LUZP2: variants seen among roughly 807,000 people sequenced by gnomAD.
LUZP2 encodes the protein leucine zipper protein 2.
A neutral mutation model predicts 51.6 loss-of-function variants in LUZP2; 52 were observed. That is an observed-to-expected ratio of 1.01 (90% confidence interval 0.81 to 1.27). LUZP2 has a LOEUF of 1.27. Among genes scored for constraint, LUZP2 ranks in the 50% most tolerant of loss-of-function variants. The probability of loss-of-function intolerance (pLI) is 0.00; values close to 1 mark genes in which losing one functional copy is unlikely to be tolerated. For synonymous variants in LUZP2, 154 were observed against 137.3 expected (o/e 1.12, Z -0.85); for missense variants, 436 against 395.4 (o/e 1.10, Z -0.87).
chr11:24,959,120 G>A (rs1855307715), intron 7 of LUZP2, among the ~76,000 whole-genome samples: 1 of 152,094 alleles, frequency 6.6e-6, no homozygotes, highest in Non-Finnish European at 1.5e-5. Flanking sequence ...CTATATCTCT[G>A]TTTTGGTACC....
chr11:24,536,481 C>T (rs1851183706), intron 1 of LUZP2, among the ~76,000 whole-genome samples: 1 of 151,880 alleles, frequency 6.6e-6, no homozygotes, highest in Non-Finnish European at 1.5e-5. Flanking sequence ...CTTCACCTTG[C>T]ACTTTTATGA....
At chr11:24,695,606 A>G (rs1245731746) in intron 1 of LUZP2, among the ~76,000 whole-genome samples, 1 of 152,064 alleles carries the variant, frequency 6.6e-6, no homozygotes, top group Non-Finnish European at 1.5e-5. Context: ...TTTCTTAATT[A>G]TATGAAGAGA....
intron 5 of LUZP2, among the ~76,000 whole-genome samples, chr11:24,766,286 G>T (rs1253703774): frequency 6.6e-6 from 1 of 151,882 alleles, no homozygotes; most frequent in Non-Finnish European, 1.5e-5. Flanking sequence ...GTATTTCCTT[G>T]CATCAAATAA....
intron 5 of LUZP2, among the ~76,000 whole-genome samples, chr11:24,869,192 A>G (rs1851982537): frequency 6.6e-6 from 1 of 152,190 alleles, no homozygotes; most frequent in African/African-American, 2.4e-5. Context: ...TTTAGATCAC[A>G]GAAAGAAAAG....
intron 10 of LUZP2, 30 bp from the exon 11 acceptor site, chr11:25,077,299 T>G: frequency 4.6e-6 from 7 of 1,509,146 alleles, no homozygotes; most frequent in African/African-American, 1.4e-5. Context: ...TTTAACTTCA[T>G]TGATGTATTT....
chr11:25,055,450 C>T (rs1453459085), intron 10 of LUZP2, among the ~76,000 whole-genome samples: 1 of 151,808 alleles, frequency 6.6e-6, no homozygotes, highest in East Asian at 1.9e-4. Flanking sequence ...ATTGCATTTC[C>T]AGATTGTTAA....
chr11:24,530,251 A>G (rs1850951610), intron 1 of LUZP2, among the ~76,000 whole-genome samples: 1 of 150,856 alleles, frequency 6.6e-6, no homozygotes, highest in Admixed American at 6.6e-5. Context: ...TTGGGGATTC[A>G]GGGAAAGTTA....
At chr11:24,962,740 C>T (rs1043724299) in intron 7 of LUZP2, among the ~76,000 whole-genome samples, 13 of 152,182 alleles carry the variant, frequency 8.5e-5, no homozygotes, top group Non-Finnish European at 1.3e-4. Flanking sequence ...TTTTGATCAT[C>T]TGAAGCCTTC....
At chr11:24,952,216 A>T (rs1357799527) in intron 7 of LUZP2, among the ~76,000 whole-genome samples, 1 of 151,656 alleles carries the variant, frequency 6.6e-6, no homozygotes, top group Non-Finnish European at 1.5e-5. Context: ...TTTTTCCACC[A>T]TCTATGTATC....
At chr11:24,827,322 C>T (rs914526733) in intron 5 of LUZP2, among the ~76,000 whole-genome samples, 3 of 152,110 alleles carry the variant, frequency 2.0e-5, no homozygotes, top group Non-Finnish European at 2.9e-5. Context: ...CCCAAGATAA[C>T]TTACAATATC....
intron 5 of LUZP2, chr11:24,892,689 A>G (rs1192149949): frequency 6.4e-6 from 1 of 155,396 alleles, no homozygotes. Context: ...CATAAGAGCT[A>G]CAGACTGATG....
chr11:24,840,852 A>T (rs1271204310), intron 5 of LUZP2, among the ~76,000 whole-genome samples: 2 of 152,056 alleles, frequency 1.3e-5, no homozygotes, highest in Non-Finnish European at 2.9e-5. Context: ...ATCTAAGAAG[A>T]GCCACAAATT....
chr11:24,722,618 A>G (rs1425448780), intron 1 of LUZP2, among the ~76,000 whole-genome samples: 2 of 152,078 alleles, frequency 1.3e-5, no homozygotes, highest in Admixed American at 1.3e-4. Flanking sequence ...AGATACCATT[A>G]AGAGATTGAA....
intron 1 of LUZP2, among the ~76,000 whole-genome samples, chr11:24,527,866 G>A (rs373149108): frequency 6.6e-5 from 10 of 151,280 alleles, no homozygotes; most frequent in African/African-American, 2.2e-4. Flanking sequence ...CAGACCCAAA[G>A]CTCAGGATAC....
chr11:24,900,452 G>T (rs921629017), intron 5 of LUZP2, among the ~76,000 whole-genome samples: 1 of 152,168 alleles, frequency 6.6e-6, no homozygotes, highest in African/African-American at 2.4e-5. Flanking sequence ...TGTATATGCA[G>T]ATTTCCATTC....
chr11:24,968,551 C>T (rs1453126073), intron 7 of LUZP2, among the ~76,000 whole-genome samples: 4 of 152,102 alleles, frequency 2.6e-5, no homozygotes, highest in Admixed American at 2.6e-4. Context: ...TTTTTCTCTT[C>T]TCCTCTCAGC....
chr11:24,762,556 C>T (rs1860020031), intron 4 of LUZP2, among the ~76,000 whole-genome samples: 1 of 152,042 alleles, frequency 6.6e-6, no homozygotes. Context: ...TAGTTATTTT[C>T]TTATTATAGG....
At chr11:24,974,103 T>C (rs1855821652) in intron 7 of LUZP2, among the ~76,000 whole-genome samples, 1 of 152,124 alleles carries the variant, frequency 6.6e-6, no homozygotes, top group East Asian at 1.9e-4. Context: ...CTTACTTTAA[T>C]AATCTGGGTG....
intron 1 of LUZP2, among the ~76,000 whole-genome samples, chr11:24,705,745 TG>T (rs1345396250): frequency 6.6e-6 from 1 of 152,166 alleles, no homozygotes; most frequent in African/African-American, 2.4e-5. Flanking sequence ...CTACAGTGCC[TG>T]GACTGCTAAA....
Sources: gnomAD v4.1 joint callset for allele counts (sites outside exome capture counted in the v4.1 genomes callset) on GRCh38, gnomAD v4.1.1 for gene constraint, MANE v1.5 for transcripts, NCBI Gene and HGNC (gene_info 2026-07-23, HGNC 2026-07-21) for gene names.